Variants in ADGRV1 observed in about 807,000 individuals in gnomAD.
ADGRV1 encodes the protein G-protein coupled receptor 98.
ADGRV1 carries 359 observed loss-of-function variants against 596.2 expected under a neutral mutation model. The ratio of observed to expected loss-of-function variants is 0.60; its 90% confidence interval spans 0.55 to 0.66. ADGRV1 has a LOEUF of 0.66. Among genes scored for constraint, ADGRV1 ranks in the 30% least tolerant of loss-of-function variants. The pLI, the probability that ADGRV1 is intolerant of heterozygous loss-of-function variation, is 0.00. For synonymous variants in ADGRV1, 2,681 were observed against 2,679.2 expected (o/e 1.00, Z -0.02); for missense variants, 7,274 against 7,575.6 (o/e 0.96, Z 1.48).
intron 87 of ADGRV1, among the ~76,000 whole-genome samples, chr5:91,102,845 A>C (rs566571104): frequency 6.6e-6 from 1 of 152,326 alleles, no homozygotes; most frequent in South Asian, 2.1e-4. Context: ...TAGTTTTATA[A>C]GCATGCTTGG....
intron 85 of ADGRV1, among the ~76,000 whole-genome samples, chr5:91,060,170 T>C (rs1787275082): frequency 6.6e-6 from 1 of 152,114 alleles, no homozygotes; most frequent in South Asian, 2.1e-4. Flanking sequence ...CACTGTTTTC[T>C]TGCTGTTTGT....
chr5:91,106,619 T>A (rs377754759), intron 87 of ADGRV1, among the ~76,000 whole-genome samples: 2 of 152,306 alleles, frequency 1.3e-5, no homozygotes, highest in Middle Eastern at 3.4e-3. Context: ...GAGATAACTA[T>A]TAATGAAATT....
chr5:90,839,906 G>T (rs999120094), intron 77 of ADGRV1, among the ~76,000 whole-genome samples: 1 of 152,156 alleles, frequency 6.6e-6, no homozygotes, highest in Non-Finnish European at 1.5e-5. Context: ...TATATCCATT[G>T]TATGTCACTT....
chr5:90,736,478 G>A (rs1183603411), intron 50 of ADGRV1, among the ~76,000 whole-genome samples: 1 of 151,980 alleles, frequency 6.6e-6, no homozygotes, highest in East Asian at 1.9e-4. Context: ...GATAATGCTG[G>A]CCATGTAAAA....
chr5:90,709,725 C>A (rs750158769), intron 39 of ADGRV1, among the ~76,000 whole-genome samples: 6 of 152,172 alleles, frequency 3.9e-5, no homozygotes, highest in Non-Finnish European at 7.4e-5. Context: ...AAATTCAGTT[C>A]TTTTGCTAAA....
intron 34 of ADGRV1, among the ~76,000 whole-genome samples, chr5:90,702,558 C>T (rs1005932228): frequency 6.6e-6 from 1 of 151,704 alleles, no homozygotes; most frequent in African/African-American, 2.4e-5. Flanking sequence ...AGAAATCTTC[C>T]TATAAGAAAT....
intron 85 of ADGRV1, among the ~76,000 whole-genome samples, chr5:91,027,193 T>TACACACA (rs1562109045): frequency 1.1e-5 from 1 of 88,248 alleles, no homozygotes; most frequent in African/African-American, 3.6e-5. Context: ...ACACACACTG[T>TACACACA]CTAACTAGAG....
chr5:90,912,089 T>C (rs552787643), intron 83 of ADGRV1, among the ~76,000 whole-genome samples: 7 of 152,210 alleles, frequency 4.6e-5, no homozygotes, highest in Non-Finnish European at 8.8e-5. Context: ...AACAAGGTGC[T>C]TGGTAAGCGG....
intron 73 of ADGRV1, among the ~76,000 whole-genome samples, chr5:90,808,111 A>G (rs538391991): frequency 1.0e-3 from 153 of 152,372 alleles, no homozygotes; most frequent in African/African-American, 3.6e-3. Flanking sequence ...ACATCACAGT[A>G]GGGTGATAAT....
chr5:90,810,166 G>C, intron 73 of ADGRV1, 67 bp from the exon 74 acceptor site: 1 of 1,251,600 alleles, frequency 8.0e-7, no homozygotes. Flanking sequence ...TGTGAATGAT[G>C]AATCTCTACA....
At chr5:91,035,222 T>A (rs577347295) in intron 85 of ADGRV1, among the ~76,000 whole-genome samples, 1 of 152,294 alleles carries the variant, frequency 6.6e-6, no homozygotes, top group Admixed American at 6.5e-5. Flanking sequence ...ACTGCCTCCC[T>A]CTTGAGCTGC....
chr5:90,768,451 G>T (rs985698446), intron 59 of ADGRV1, among the ~76,000 whole-genome samples: 4 of 152,142 alleles, frequency 2.6e-5, no homozygotes, highest in African/African-American at 7.2e-5. Context: ...GGTGGAAATC[G>T]TTCTCATAGC....
At chr5:90,920,241 G>A (rs1357796508) in intron 83 of ADGRV1, among the ~76,000 whole-genome samples, 2 of 152,024 alleles carry the variant, frequency 1.3e-5, no homozygotes, top group East Asian at 3.9e-4. Context: ...TGGCTGAAAG[G>A]GCCAGCGAGC....
chr5:90,984,504 C>G (rs1780329271), intron 84 of ADGRV1, among the ~76,000 whole-genome samples: 1 of 145,670 alleles, frequency 6.9e-6, no homozygotes, highest in East Asian at 2.1e-4. Flanking sequence ...TCCCCCTTCA[C>G]TCTACACACT....
chr5:90,797,901 C>G (rs1487436740), intron 70 of ADGRV1, among the ~76,000 whole-genome samples: 1 of 152,086 alleles, frequency 6.6e-6, no homozygotes, highest in Admixed American at 6.5e-5. Context: ...ACACAATGTA[C>G]CAGAATCTCT....
At chr5:90,572,003 A>AT (rs1308132513) in intron 1 of ADGRV1, among the ~76,000 whole-genome samples, 2 of 152,130 alleles carry the variant, frequency 1.3e-5, no homozygotes, top group Admixed American at 1.3e-4. Flanking sequence ...GGAGCAGAGG[A>AT]TTTTAGGAGG....
In ADGRV1 at chr5:90,904,904, A is replaced by AT. The variant is rs58582655; in HGVS notation, c.17856+41055dup. Among the ~76,000 whole-genome samples the AT allele has an allele frequency of 6.9e-3, 1,053 of 151,742 alleles. 4 individuals carry two copies. The highest frequency in any genetic ancestry group is 0.011 in the Non-Finnish European group (725 of 67,828). On this transcript the variant is annotated intron_variant, in intron 83 of 89. Coordinates refer to ENST00000405460, the MANE Select transcript of ADGRV1 (RefSeq NM_032119.4). ...TAAGTCTTTAATCCATTTTGATTTG[A>AT]TTTTTTTTATATGGTAGGAGATAGG...
chr5:90,889,875 C>A (rs1395613179), intron 83 of ADGRV1, among the ~76,000 whole-genome samples: 2 of 152,102 alleles, frequency 1.3e-5, no homozygotes, highest in South Asian at 4.1e-4. Context: ...AAAGAGAGGG[C>A]TGATGGAGAC....
At chr5:90,961,382 G>A (rs1003008845) in intron 83 of ADGRV1, among the ~76,000 whole-genome samples, 4 of 151,726 alleles carry the variant, frequency 2.6e-5, no homozygotes, top group African/African-American at 9.7e-5. Context: ...CAGCTACTCC[G>A]GAGGCTGAGG....
Sources: allele counts gnomAD v4.1 joint callset (sites outside exome capture counted in the v4.1 genomes callset), GRCh38; gene constraint gnomAD v4.1.1; transcripts MANE v1.5; gene names NCBI Gene and HGNC (gene_info 2026-07-23, HGNC 2026-07-21).